Variants in OSBPL8 observed in about 807,000 individuals in gnomAD.
OSBPL8 encodes the protein oxysterol binding protein like 8, also known as oxysterol-binding protein-related protein 8.
A neutral mutation model predicts 125.5 loss-of-function variants in OSBPL8; 59 were observed. The ratio of observed to expected loss-of-function variants is 0.47; its 90% CI spans 0.38 to 0.58. OSBPL8 has a LOEUF of 0.58. OSBPL8 is among the 20% of genes least tolerant of loss of function. OSBPL8 has a pLI of 0.00. For synonymous variants in OSBPL8, 330 were observed against 338.9 expected (o/e 0.97, Z 0.29); for missense variants, 758 against 1,047.8 (o/e 0.72, Z 3.82).
intron 4 of OSBPL8, among the ~76,000 whole-genome samples, chr12:76,443,778 A>G (rs1345353128): frequency 2.0e-5 from 3 of 152,178 alleles, no homozygotes; most frequent in African/African-American, 7.2e-5. Flanking sequence ...AAGTTCTGCT[A>G]TTATAGGCAT....
intron 4 of OSBPL8, among the ~76,000 whole-genome samples, chr12:76,438,817 C>T (rs557949241): frequency 6.6e-6 from 1 of 152,260 alleles, no homozygotes; most frequent in South Asian, 2.1e-4. Flanking sequence ...CCTGGAACAA[C>T]CCTGATGTGA....
chr12:76,456,068 CA>C (rs1285468961), intron 3 of OSBPL8, among the ~76,000 whole-genome samples: 1 of 152,050 alleles, frequency 6.6e-6, no homozygotes, highest in Admixed American at 6.5e-5. Flanking sequence ...GAACATGAAT[CA>C]AAAACATTTT....
At chr12:76,499,619 G>A (rs148180184) in intron 1 of OSBPL8, among the ~76,000 whole-genome samples, 1,706 of 152,206 alleles carry the variant, frequency 0.011, 33 homozygotes, top group African/African-American at 0.039. Flanking sequence ...AGGAGGCTGA[G>A]GTGGGCAGAT....
At position 76,369,698 on chromosome 12, in the gene OSBPL8, A is replaced by C; in HGVS notation, c.2179T>G (p.Trp727Gly). 10 of 1,613,248 alleles carry C rather than the reference A, an allele frequency of 6.2e-6. No homozygotes were observed. The highest frequency in any genetic ancestry group is 8.5e-6 in the Non-Finnish European group (10 of 1,179,674). ...TCAAGTTCAAATAATTTGCAAGACC[A>C]CTCTTCATTTTTTGTTTTCCGATCC... ...ARDRKTKNEE[W>G]SCKLFELDPL... is the part of the protein sequence containing the mutation. The change falls in exon 20 of 24, where the codon TGG (tryptophan) becomes GGG (glycine). Residue 727 changes from tryptophan (W) to glycine (G), a missense_variant. By Grantham distance (184) the Trp-to-Gly change is radical (BLOSUM62 -2). Transcript: ENST00000261183.
At chr12:76,422,031 G>A (rs1375340536) in intron 4 of OSBPL8, among the ~76,000 whole-genome samples, 1 of 151,884 alleles carries the variant, frequency 6.6e-6, no homozygotes, top group Non-Finnish European at 1.5e-5. Context: ...ATAAATTTAA[G>A]AATTTAAGAT....
chr12:76,457,180 A>C (rs1874155060), intron 3 of OSBPL8, among the ~76,000 whole-genome samples: 1 of 152,216 alleles, frequency 6.6e-6, no homozygotes, highest in African/African-American at 2.4e-5. Context: ...TATTCGCAAC[A>C]CCTGAGCTCA....
intron 1 of OSBPL8, among the ~76,000 whole-genome samples, chr12:76,516,109 G>A (rs1223727463): frequency 2.0e-5 from 3 of 152,104 alleles, no homozygotes; most frequent in African/African-American, 7.2e-5. Context: ...ATCTGAAAAA[G>A]CAGTGGAGAA....
At chr12:76,366,224 G>C (rs111249051) in intron 21 of OSBPL8, among the ~76,000 whole-genome samples, 2,530 of 152,166 alleles carry the variant, frequency 0.017, 29 homozygotes, top group Non-Finnish European at 0.028. Context: ...TTTCTTTGGA[G>C]GTTTTTGGTT....
intron 2 of OSBPL8, among the ~76,000 whole-genome samples, chr12:76,480,511 G>A (rs1389588632): frequency 6.6e-6 from 1 of 152,144 alleles, no homozygotes; most frequent in Non-Finnish European, 1.5e-5. Flanking sequence ...TTGTATGTAT[G>A]ATTAATACAA....
At chr12:76,495,688 A>G (rs1032153174) in intron 1 of OSBPL8, among the ~76,000 whole-genome samples, 12 of 151,356 alleles carry the variant, frequency 7.9e-5, no homozygotes, top group African/African-American at 3.0e-4. Flanking sequence ...CCACTGAATG[A>G]TTTACATATT....
chr12:76,481,680 G>A (rs1383577817), intron 2 of OSBPL8, among the ~76,000 whole-genome samples: 1 of 152,066 alleles, frequency 6.6e-6, no homozygotes, highest in Non-Finnish European at 1.5e-5. Context: ...TTAGAAAGAT[G>A]CTATCACTAA....
rs548272424 is a variant in OSBPL8, at chr12:76,485,582, G to A, written c.42+1928C>T. Reference sequence around the variant, plus strand: ...TTTATTACTTTAGCCAAAGGAGTCTGGTAATAAAATGTAATAACATTTACT... The same window carrying A: ...TTTATTACTTTAGCCAAAGGAGTCTAGTAATAAAATGTAATAACATTTACT... On this transcript the variant is annotated intron_variant, in intron 2 of 23. Coordinates refer to ENST00000261183, the MANE Select transcript of OSBPL8 (RefSeq NM_020841.5). Among the ~76,000 whole-genome samples, 42 of 152,156 alleles carry A rather than the reference G, an allele frequency of 2.8e-4. No individual in the cohort carries two copies. The South Asian group carries it at 7.9e-3, about 29-fold the overall frequency.
At chr12:76,374,373 A>AG (rs1952733288) in intron 17 of OSBPL8, among the ~76,000 whole-genome samples, 1 of 152,102 alleles carries the variant, frequency 6.6e-6, no homozygotes, top group South Asian at 2.1e-4. Context: ...CCCAATGAGA[A>AG]GTGGGGTCTA....
intron 2 of OSBPL8, among the ~76,000 whole-genome samples, chr12:76,477,381 T>C (rs1239999105): frequency 6.6e-6 from 1 of 152,158 alleles, no homozygotes; most frequent in African/African-American, 2.4e-5. Flanking sequence ...TGACAGAATA[T>C]ACCCTTGGTA....
rs140835316 is a variant in OSBPL8, at chr12:76,418,245, T to A, written c.218-7611A>T. 5.2e-3 allele frequency among the ~76,000 whole-genome samples: 789 copies of A among 152,194 alleles called. 5 individuals carry two copies. Among genetic ancestry groups the A allele is most frequent in the African/African-American group, 0.018 (757 of 41,518 alleles). On this transcript the variant is annotated intron_variant, in intron 4 of 23. Transcript: ENST00000261183. ...GTCTTGAACTCTCGACTTCAGGTGA[T>A]CTGCCCACCTCGGCTTCCCAATGTG...
At chr12:76,387,309 A>G (rs1303546871) in intron 12 of OSBPL8, among the ~76,000 whole-genome samples, 2 of 152,190 alleles carry the variant, frequency 1.3e-5, no homozygotes, top group Admixed American at 6.5e-5. Flanking sequence ...GAAGTTTCAA[A>G]TTACAAATAT....
At chr12:76,412,379 G>C (rs181756732) in intron 4 of OSBPL8, among the ~76,000 whole-genome samples, 1 of 152,076 alleles carries the variant, frequency 6.6e-6, no homozygotes, top group Non-Finnish European at 1.5e-5. Context: ...GTGTCTATAC[G>C]TAACTAAAAA....
chr12:76,353,206 A>G lies in OSBPL8; in HGVS notation c.*2683T>C, dbSNP rs180988634. ...GTGACAAAGAGTACACTGTACCTTTATAAGTGATATAAAACAAAAAAGTAC... is the reference window on the plus strand; with the variant it reads ...GTGACAAAGAGTACACTGTACCTTTGTAAGTGATATAAAACAAAAAAGTAC... On this transcript the variant is annotated 3_prime_UTR_variant, in exon 24 of 24. Coordinates refer to ENST00000261183, the MANE Select transcript of OSBPL8 (RefSeq NM_020841.5). 1 of 152,432 alleles carries G rather than the reference A, an allele frequency of 6.6e-6. No individual in the cohort carries two copies. Among genetic ancestry groups the G allele is most frequent in the Non-Finnish European group, 1.5e-5 (1 of 67,876 alleles). 9.4% of individuals were successfully genotyped at this position (152,432 alleles called of 1,614,324 possible).
At chr12:76,394,774 A>G (rs1182743189) in intron 8 of OSBPL8, 45 bp from the exon 9 acceptor site, 1 of 1,340,672 alleles carries the variant, frequency 7.5e-7, no homozygotes, top group Non-Finnish European at 1.0e-6. Flanking sequence ...AGTAATTATT[A>G]TGAGATCTCA....
Sources: gnomAD v4.1 joint callset for allele counts (sites outside exome capture counted in the v4.1 genomes callset) on GRCh38, gnomAD v4.1.1 for gene constraint, MANE v1.5 for transcripts, NCBI Gene and HGNC (gene_info 2026-07-23, HGNC 2026-07-21) for gene names.